The following SGCZ variants were observed in gnomAD, a reference collection of about 807,000 sequenced individuals.
SGCZ encodes the protein sarcoglycan zeta.
In SGCZ, 40 loss-of-function variants were observed where a neutral mutation model predicts 41.3. The observed-to-expected ratio is 0.97, with a 90% CI of 0.75 to 1.26. SGCZ has a LOEUF of 1.26. SGCZ is among the 50% of genes most tolerant of loss of function. The probability of loss-of-function intolerance (pLI) is 0.00; values close to 1 mark genes in which losing one functional copy is unlikely to be tolerated. For synonymous variants in SGCZ, 206 were observed against 137.5 expected (o/e 1.50, Z -3.49); for missense variants, 552 against 369.8 (o/e 1.49, Z -4.04).
intron 1 of SGCZ, among the ~76,000 whole-genome samples, chr8:14,664,658 G>A (rs1298882650): frequency 3.3e-5 from 5 of 152,012 alleles, no homozygotes; most frequent in Non-Finnish European, 5.9e-5. Flanking sequence ...ACTTATTTCA[G>A]TACATTTTAT....
intron 1 of SGCZ, among the ~76,000 whole-genome samples, chr8:15,017,031 C>A (rs1161159200): frequency 1.3e-5 from 2 of 152,142 alleles, no homozygotes. Context: ...TAGACTCCAC[C>A]TTCAACAAGA....
intron 1 of SGCZ, among the ~76,000 whole-genome samples, chr8:15,091,683 C>T (rs1806158318): frequency 6.6e-6 from 1 of 152,098 alleles, no homozygotes; most frequent in Non-Finnish European, 1.5e-5. Flanking sequence ...TTATACACAC[C>T]TTTAAAATCT....
chr8:14,254,877 G>C (rs1799407262), intron 3 of SGCZ, among the ~76,000 whole-genome samples: 1 of 152,096 alleles, frequency 6.6e-6, no homozygotes, highest in Admixed American at 6.6e-5. Context: ...ATTCTGCACT[G>C]TACAATTCTT....
intron 1 of SGCZ, among the ~76,000 whole-genome samples, chr8:14,681,364 G>A (rs1808441554): frequency 1.3e-5 from 2 of 152,138 alleles, no homozygotes; most frequent in South Asian, 4.1e-4. Flanking sequence ...GACAGCCTAG[G>A]CTTCTATACC....
chr8:14,978,718 GGT>G (rs1479752911), intron 1 of SGCZ, among the ~76,000 whole-genome samples: 2 of 151,950 alleles, frequency 1.3e-5, no homozygotes, highest in African/African-American at 4.8e-5. Context: ...AGTAAAGCTT[GGT>G]GGGCCATCTG....
At chr8:14,874,382 C>T (rs114274633) in intron 1 of SGCZ, among the ~76,000 whole-genome samples, 1 of 152,006 alleles carries the variant, frequency 6.6e-6, no homozygotes, top group East Asian at 1.9e-4. Flanking sequence ...CTGGTGTTTT[C>T]TACAAGCACA....
rs1801578720 is a variant in SGCZ at position 14,088,118 on chromosome 8, T to C, written c.*2325A>G. On this transcript the variant is annotated 3_prime_UTR_variant, in exon 8 of 8. Coordinates refer to ENST00000382080, the MANE Select transcript of SGCZ (RefSeq NM_139167.4). ...CTCTTATGACATATAATTTAAAATTTCATTTTTCTCTTTTGCCTTTTGTAA... is the reference window on the plus strand; with the variant it reads ...CTCTTATGACATATAATTTAAAATTCCATTTTTCTCTTTTGCCTTTTGTAA... Among the ~76,000 whole-genome samples, 1 of 151,810 alleles carries C rather than the reference T, an allele frequency of 6.6e-6. No homozygotes were observed. The highest frequency in any genetic ancestry group is 1.5e-5 in the Non-Finnish European group (1 of 67,820).
chr8:14,288,223 T>C (rs1563236229), intron 3 of SGCZ, among the ~76,000 whole-genome samples: 1 of 152,118 alleles, frequency 6.6e-6, no homozygotes, highest in Non-Finnish European at 1.5e-5. Flanking sequence ...ATTATTAATC[T>C]CTTAAATTAA....
At chr8:14,948,185 T>C (rs140739495) in intron 1 of SGCZ, among the ~76,000 whole-genome samples, 2 of 152,266 alleles carry the variant, frequency 1.3e-5, no homozygotes, top group African/African-American at 4.8e-5. Context: ...AGATTTAAAT[T>C]ACTGAGTGAA....
intron 1 of SGCZ, among the ~76,000 whole-genome samples, chr8:15,119,373 T>G (rs1009096208): frequency 6.6e-6 from 1 of 151,272 alleles, no homozygotes; most frequent in African/African-American, 2.4e-5. Flanking sequence ...CTACAGAAAA[T>G]ACAAAAATTA....
At chr8:15,158,620 G>T (rs991770363) in intron 1 of SGCZ, among the ~76,000 whole-genome samples, 2 of 152,082 alleles carry the variant, frequency 1.3e-5, no homozygotes, top group African/African-American at 4.8e-5. Flanking sequence ...AATTCATTTG[G>T]AACTTATAAT....
intron 1 of SGCZ, among the ~76,000 whole-genome samples, chr8:15,111,960 C>T (rs1807082209): frequency 1.3e-5 from 2 of 151,882 alleles, no homozygotes; most frequent in Non-Finnish European, 2.9e-5. Context: ...TCCTTCGTTA[C>T]TTGGTGCGTT....
At chr8:14,892,990 A>T (rs1455031723) in intron 1 of SGCZ, among the ~76,000 whole-genome samples, 1 of 152,174 alleles carries the variant, frequency 6.6e-6, no homozygotes. Context: ...TACAGAGCAT[A>T]TGGTAGGCAG....
At position 14,868,993 on chromosome 8, in the gene SGCZ, C is replaced by T. The variant is rs377482775; in HGVS notation, c.40-314067G>A. Among the ~76,000 whole-genome samples, 61 of 152,122 alleles carry T rather than the reference C, an allele frequency of 4.0e-4. No individual in the cohort carries two copies. The South Asian group carries it at 6.4e-3, about 16-fold the overall frequency. ...GCCCAGGACCAGACAGATTCACAGC[C>T]GAACTCTACCAGAGGTACAAAGAGG... On this transcript the variant is annotated intron_variant, in intron 1 of 7. Transcript: ENST00000382080.
At position 14,911,162 on chromosome 8, in the gene SGCZ, G is replaced by A. The variant is rs969931279; in HGVS notation, c.39+326423C>T. 2.0e-5 allele frequency among the ~76,000 whole-genome samples: 3 copies of A among 152,174 alleles called. No individual in the cohort carries two copies. In the East Asian group the frequency reaches 5.8e-4, roughly 29 times the overall value. On this transcript the variant is annotated intron_variant, in intron 1 of 7. Coordinates refer to ENST00000382080, the MANE Select transcript of SGCZ (RefSeq NM_139167.4). ...TTTTCACCTTTTAAGAGAAAACAGA[G>A]TAAGCAGATAATGGCTGTGGCAGGG...
chr8:15,133,944 T>C (rs1312917979), intron 1 of SGCZ, among the ~76,000 whole-genome samples: 1 of 152,206 alleles, frequency 6.6e-6, no homozygotes, highest in Non-Finnish European at 1.5e-5. Context: ...TTCAATGTTC[T>C]GTTTTTAATA....
chr8:14,326,111 C>CAAAAAAAAAAAAAAAAAAAAAAAA lies in SGCZ; in HGVS notation c.235-1908_235-1907insTTTTTTTTTTTTTTTTTTTTTTTT, dbSNP rs56152915. On this transcript the variant is annotated intron_variant, in intron 2 of 7. Transcript: ENST00000382080. ...TGGGCGAAAGAGTGAGACTCCGTCT[C>CAAAAAAAAAAAAAAAAAAAAAAAA]AAAAAAAAAAAAAAAAAAAGATGAG... Among the ~76,000 whole-genome samples the CAAAAAAAAAAAAAAAAAAAAAAAA allele has an allele frequency of 3.4e-4, 13 of 37,902 alleles. 5 individuals are homozygous for CAAAAAAAAAAAAAAAAAAAAAAAA. Among genetic ancestry groups the CAAAAAAAAAAAAAAAAAAAAAAAA allele is most frequent in the Admixed American group, 2.8e-3 (5 of 1,790 alleles). 24.9% of individuals were successfully genotyped at this position (37,902 alleles called of 152,430 possible).
rs534243986 is a variant in SGCZ, at chr8:14,309,255, T to A, written c.336+14848A>T. On this transcript the variant is annotated intron_variant, in intron 3 of 7. Transcript: ENST00000382080. ...GACTTCTGGGCTCTGTACAACCATATCCAGTTGTCTAGTAATTTAATGCCT... is the reference window on the plus strand; with the variant it reads ...GACTTCTGGGCTCTGTACAACCATAACCAGTTGTCTAGTAATTTAATGCCT... 7 of 1,530,946 alleles carry A rather than the reference T, an allele frequency of 4.6e-6. No homozygotes were observed. The East Asian group carries it at 1.1e-4, about 25-fold the overall frequency. The allele number at this position is 1,530,946 out of a possible 1,614,324, so 94.8% of individuals were successfully genotyped here. A position where few individuals can be genotyped will look rare whatever the true frequency, so the allele number is the denominator to read the frequency against.
chr8:14,194,915 T>C (rs1805217325), intron 4 of SGCZ, among the ~76,000 whole-genome samples: 1 of 152,060 alleles, frequency 6.6e-6, no homozygotes, highest in South Asian at 2.1e-4. Context: ...CACCTAGCAA[T>C]GCTATGATCT....
Sources: gnomAD v4.1 joint callset for allele counts (sites outside exome capture counted in the v4.1 genomes callset) on GRCh38, gnomAD v4.1.1 for gene constraint, MANE v1.5 for transcripts, NCBI Gene and HGNC (gene_info 2026-07-23, HGNC 2026-07-21) for gene names.